The following MCOLN2 variants were observed in gnomAD, a reference collection of about 807,000 sequenced individuals.
MCOLN2 encodes the protein mucolipin-2.
In MCOLN2, 57 loss-of-function variants were observed where a neutral mutation model predicts 67.5. The observed-to-expected ratio is 0.84, with a 90% CI of 0.68 to 1.05. The LOEUF (loss-of-function observed/expected upper bound fraction) is 1.05, where lower values mean the gene tolerates loss of function less well. Among genes scored for constraint, MCOLN2 ranks in the 50% least tolerant of loss-of-function variants. The pLI, the probability that MCOLN2 is intolerant of heterozygous loss-of-function variation, is 0.00. For synonymous variants in MCOLN2, 246 were observed against 233.3 expected (o/e 1.05, Z -0.50); for missense variants, 620 against 678.8 (o/e 0.91, Z 0.96).
At chr1:84,965,285 C>A (rs1649320370) in intron 2 of MCOLN2, among the ~76,000 whole-genome samples, 1 of 152,162 alleles carries the variant, frequency 6.6e-6, no homozygotes, top group African/African-American at 2.4e-5. Context: ...GTGTGTCACT[C>A]AGATATAGAA....
chr1:84,974,036 A>G (rs1181815797), intron 1 of MCOLN2, among the ~76,000 whole-genome samples: 1 of 152,206 alleles, frequency 6.6e-6, no homozygotes, highest in African/African-American at 2.4e-5. Context: ...CTGCCCGGTT[A>G]GAGCAGAAAG....
chr1:84,933,535 T>C (rs1037718991), intron 11 of MCOLN2, among the ~76,000 whole-genome samples: 5 of 152,186 alleles, frequency 3.3e-5, no homozygotes, highest in African/African-American at 1.2e-4. Context: ...AGAGTAAATA[T>C]TTTCCATACG....
chr1:84,960,728 G>A (rs1035840004), intron 2 of MCOLN2, among the ~76,000 whole-genome samples: 3 of 152,182 alleles, frequency 2.0e-5, no homozygotes, highest in Admixed American at 1.3e-4. Flanking sequence ...AAGCTAAAAT[G>A]TAAACCAGGG....
intron 2 of MCOLN2, 102 bp downstream of exon 2, chr1:84,965,447 T>C (rs1649327335): frequency 1.6e-6 from 2 of 1,284,654 alleles, no homozygotes; most frequent in Non-Finnish European, 2.1e-6. Context: ...TTTTATGAAC[T>C]TGAGTGTGGG....
chr1:84,982,900 T>C (rs976078227), intron 1 of MCOLN2, among the ~76,000 whole-genome samples: 3 of 152,126 alleles, frequency 2.0e-5, no homozygotes, highest in African/African-American at 7.2e-5. Context: ...TTATTTTTAG[T>C]AGTGACAGGG....
intron 1 of MCOLN2, among the ~76,000 whole-genome samples, chr1:84,983,914 T>A (rs947391747): frequency 9.3e-5 from 14 of 151,322 alleles, no homozygotes; most frequent in South Asian, 8.4e-4. Flanking sequence ...TGACCTTATG[T>A]CCACCCACCT....
chr1:84,939,429 T>C (rs1647619627), intron 9 of MCOLN2, 124 bp downstream of exon 9: 3 of 967,192 alleles, frequency 3.1e-6, no homozygotes, highest in South Asian at 3.3e-5. Flanking sequence ...GCCTCACTTG[T>C]GCTGGTGTGA....
At chr1:84,952,705 T>G (rs1389708347) in intron 4 of MCOLN2, among the ~76,000 whole-genome samples, 175 bp from the exon 5 acceptor site, 1 of 152,166 alleles carries the variant, frequency 6.6e-6, no homozygotes, top group Admixed American at 6.5e-5. Context: ...ACCTGTCAAG[T>G]GAACCTGGCA....
rs116586273 is a variant in MCOLN2 at position 84,953,668 on chromosome 1, T to C, written c.566-1138A>G. On this transcript the variant is annotated intron_variant, in intron 4 of 13. Transcript: ENST00000370608. ...CTGGCACTTTTTCAAAGTAAAAAAATAGAAAGAAAAAGAACACAGGTTGTA... is the reference window on the plus strand; with the variant it reads ...CTGGCACTTTTTCAAAGTAAAAAAACAGAAAGAAAAAGAACACAGGTTGTA... Among the ~76,000 whole-genome samples the C allele has an allele frequency of 9.2e-3, 1,395 of 151,672 alleles. 25 individuals carry two copies. Among genetic ancestry groups the C allele is most frequent in the African/African-American group, 0.032 (1,328 of 41,348 alleles).
intron 2 of MCOLN2, among the ~76,000 whole-genome samples, chr1:84,962,787 A>C (rs150090687): frequency 6.6e-6 from 1 of 152,344 alleles, no homozygotes; most frequent in African/African-American, 2.4e-5. Flanking sequence ...TGTTGGAAAG[A>C]CAAGTTGAAG....
intron 7 of MCOLN2, among the ~76,000 whole-genome samples, chr1:84,941,456 C>T (rs1647779457): frequency 1.3e-5 from 2 of 152,312 alleles, no homozygotes; most frequent in South Asian, 4.1e-4. Context: ...GAGATCGTGC[C>T]ACTGCGCTCC....
chr1:84,980,886 G>GA (rs1218546136), intron 1 of MCOLN2, among the ~76,000 whole-genome samples: 1 of 152,188 alleles, frequency 6.6e-6, no homozygotes, highest in Non-Finnish European at 1.5e-5. Flanking sequence ...TAGAAAGGGA[G>GA]AAGATATTTG....
chr1:84,974,728 G>C (rs1649912621), intron 1 of MCOLN2, among the ~76,000 whole-genome samples: 1 of 152,040 alleles, frequency 6.6e-6, no homozygotes, highest in Non-Finnish European at 1.5e-5. Flanking sequence ...CAACAAGTGG[G>C]CTCCTGGAGT....
At chr1:84,964,243 A>C (rs2102856088) in intron 2 of MCOLN2, among the ~76,000 whole-genome samples, 1 of 152,334 alleles carries the variant, frequency 6.6e-6, no homozygotes, top group South Asian at 2.1e-4. Context: ...CTTTATGAAC[A>C]CAGAATAAAG....
At chr1:84,973,764 A>T (rs1649857249) in intron 1 of MCOLN2, among the ~76,000 whole-genome samples, 1 of 152,246 alleles carries the variant, frequency 6.6e-6, no homozygotes, top group Non-Finnish European at 1.5e-5. Flanking sequence ...GCCTCCACTG[A>T]TCATCCTCTC....
chr1:84,951,115 T>C (rs996704972), intron 6 of MCOLN2, among the ~76,000 whole-genome samples: 4 of 152,154 alleles, frequency 2.6e-5, no homozygotes, highest in Non-Finnish European at 5.9e-5. Flanking sequence ...GCTGGAGACA[T>C]TCTTCCTTAC....
chr1:84,976,363 G>A (rs1204436125), intron 1 of MCOLN2, among the ~76,000 whole-genome samples: 1 of 152,200 alleles, frequency 6.6e-6, no homozygotes, highest in Non-Finnish European at 1.5e-5. Context: ...AAACCTTAAA[G>A]GCCAAGAGTG....
At chr1:84,951,443 T>TA (rs1358375413) in intron 6 of MCOLN2, among the ~76,000 whole-genome samples, 1 of 152,156 alleles carries the variant, frequency 6.6e-6, no homozygotes, top group African/African-American at 2.4e-5. Context: ...TACTTCCCCA[T>TA]AAAAGTGAAC....
chr1:84,926,820 A>G, intron 13 of MCOLN2, 99 bp from the exon 14 acceptor site: 1 of 789,764 alleles, frequency 1.3e-6, no homozygotes, highest in Non-Finnish European at 1.9e-6. Flanking sequence ...CGTAGATTAT[A>G]GACATGTTGA....
Sources: allele counts gnomAD v4.1 joint callset (sites outside exome capture counted in the v4.1 genomes callset), GRCh38; gene constraint gnomAD v4.1.1; transcripts MANE v1.5; gene names NCBI Gene and HGNC (gene_info 2026-07-23, HGNC 2026-07-21).